RCAN2: variants seen among roughly 807,000 people sequenced by gnomAD.
The protein encoded by RCAN2 is regulator of calcineurin 2, also known as calcipressin-2.
RCAN2 carries 9 observed loss-of-function variants against 23.6 expected under a neutral mutation model. That is an observed-to-expected ratio of 0.38 (90% CI 0.23 to 0.67). RCAN2 has a LOEUF of 0.67. RCAN2 is among the 30% of genes least tolerant of loss of function. RCAN2 has a pLI of 0.51. For missense variants in RCAN2, 273 were observed against 302.3 expected (o/e 0.90, Z 0.72); for synonymous variants, 109 against 115.7 (o/e 0.94, Z 0.37).
intron 1 of RCAN2, among the ~76,000 whole-genome samples, chr6:46,461,074 A>T (rs1768190241): frequency 6.6e-6 from 1 of 152,198 alleles, no homozygotes. Flanking sequence ...AAACTGGAAA[A>T]TTCAAAAAGC....
chr6:46,249,482 C>T (rs1020572638), intron 2 of RCAN2, among the ~76,000 whole-genome samples: 1 of 151,352 alleles, frequency 6.6e-6, no homozygotes. Context: ...CCACACCCAG[C>T]TAATTTTTGT....
At chr6:46,405,148 G>C (rs921776960) in intron 2 of RCAN2, among the ~76,000 whole-genome samples, 3 of 152,128 alleles carry the variant, frequency 2.0e-5, no homozygotes, top group African/African-American at 7.2e-5. Flanking sequence ...TCTGGAGTCT[G>C]TCCCTTCTGA....
At chr6:46,410,335 A>T (rs917791627) in intron 2 of RCAN2, among the ~76,000 whole-genome samples, 3 of 152,172 alleles carry the variant, frequency 2.0e-5, no homozygotes, top group African/African-American at 7.2e-5. Flanking sequence ...TCATCCATCT[A>T]TCTACCTACC....
At chr6:46,228,484 A>T (rs1179035860) in intron 4 of RCAN2, among the ~76,000 whole-genome samples, 13 of 152,116 alleles carry the variant, frequency 8.5e-5, no homozygotes, top group Admixed American at 2.6e-4. Flanking sequence ...TATATTTAGG[A>T]TAGTTAGCTC....
chr6:46,409,623 T>G (rs78670347), intron 2 of RCAN2, among the ~76,000 whole-genome samples: 2,417 of 152,328 alleles, frequency 0.016, 64 homozygotes, highest in African/African-American at 0.055. Context: ...ACTCATTCAT[T>G]AGTTCATTAT....
Position 46,390,677 on chromosome 6 carries a change from C to G in RCAN2, c.225+66075G>C, listed in dbSNP as rs545686307. 5.9e-5 allele frequency among the ~76,000 whole-genome samples: 9 copies of G among 152,258 alleles called. No individual in the cohort carries two copies. The East Asian group carries it at 1.7e-3, about 29-fold the overall frequency. On this transcript the variant is annotated intron_variant, in intron 2 of 4. Transcript: ENST00000371374. ...ACATTAACTTCATTCTGTAGGATTA[C>G]TAGACTGTAAAGGAATGTCATAAGT...
At chr6:46,260,393 C>T (rs191975745) in intron 2 of RCAN2, among the ~76,000 whole-genome samples, 12 of 152,238 alleles carry the variant, frequency 7.9e-5, no homozygotes, top group African/African-American at 1.7e-4. Flanking sequence ...TTTAAGTCAA[C>T]GCACCCTATT....
chr6:46,436,101 A>G (rs1767354945), intron 2 of RCAN2, among the ~76,000 whole-genome samples: 1 of 152,200 alleles, frequency 6.6e-6, no homozygotes, highest in South Asian at 2.1e-4. Flanking sequence ...CTGCTCCCCC[A>G]TCTGGATTTA....
chr6:46,348,464 C>T (rs1485452709), intron 2 of RCAN2, among the ~76,000 whole-genome samples: 1 of 152,144 alleles, frequency 6.6e-6, no homozygotes, highest in Non-Finnish European at 1.5e-5. Flanking sequence ...TTCTGTACCT[C>T]ACTGCTGACT....
chr6:46,283,235 GC>G (rs1582062991), intron 2 of RCAN2, among the ~76,000 whole-genome samples: 1 of 152,214 alleles, frequency 6.6e-6, no homozygotes, highest in East Asian at 1.9e-4. Context: ...GATCATTTGA[GC>G]CCAGGAGTTC....
At chr6:46,232,790 C>CA (rs35457944) in intron 4 of RCAN2, among the ~76,000 whole-genome samples, 56,462 of 89,194 alleles carry the variant, frequency 0.63, 18,062 homozygotes, top group Non-Finnish European at 0.67. Flanking sequence ...AAGACTGTCT[C>CA]AAAAAAAAAA....
At chr6:46,400,430 C>A (rs1261458203) in intron 2 of RCAN2, among the ~76,000 whole-genome samples, 1 of 152,180 alleles carries the variant, frequency 6.6e-6, no homozygotes, top group African/African-American at 2.4e-5. Context: ...AGTTCCCTGG[C>A]TGCTGATGCT....
At chr6:46,308,204 C>G (rs74680413) in intron 2 of RCAN2, among the ~76,000 whole-genome samples, 1,614 of 152,214 alleles carry the variant, frequency 0.011, 23 homozygotes, top group African/African-American at 0.037. Context: ...ATGATCCTAA[C>G]AGTTCTTATT....
intron 2 of RCAN2, among the ~76,000 whole-genome samples, chr6:46,305,918 C>CTT (rs756724125): frequency 9.8e-5 from 14 of 142,936 alleles, no homozygotes; most frequent in African/African-American, 1.8e-4. Flanking sequence ...TGCTGAAGAC[C>CTT]TTTTTTTTTT....
chr6:46,446,482 C>G (rs1022365011), intron 2 of RCAN2, among the ~76,000 whole-genome samples: 1 of 152,010 alleles, frequency 6.6e-6, no homozygotes, highest in Non-Finnish European at 1.5e-5. Flanking sequence ...AAGGAGGATG[C>G]TAATTAGTAA....
chr6:46,476,826 A>G (rs1582233948), intron 1 of RCAN2, among the ~76,000 whole-genome samples: 1 of 152,270 alleles, frequency 6.6e-6, no homozygotes, highest in East Asian at 1.9e-4. Context: ...CCCCTAGATA[A>G]CTGCAAGATG....
intron 2 of RCAN2, among the ~76,000 whole-genome samples, chr6:46,352,498 C>T (rs142474073): frequency 8.5e-4 from 129 of 152,274 alleles, no homozygotes; most frequent in African/African-American, 2.9e-3. Context: ...TCGGCCTCTC[C>T]CCTTGGCTGA....
At chr6:46,278,211 C>A (rs1445532215) in intron 2 of RCAN2, among the ~76,000 whole-genome samples, 2 of 152,038 alleles carry the variant, frequency 1.3e-5, no homozygotes, top group African/African-American at 4.8e-5. Flanking sequence ...TCTTTTATTA[C>A]CATTTAAAGT....
At chr6:46,461,068 T>C (rs1768189886) in intron 1 of RCAN2, among the ~76,000 whole-genome samples, 1 of 152,136 alleles carries the variant, frequency 6.6e-6, no homozygotes, top group Admixed American at 6.6e-5. Flanking sequence ...GAAGAAAAAC[T>C]GGAAAATTCA....
Sources: gnomAD v4.1 joint callset for allele counts (sites outside exome capture counted in the v4.1 genomes callset) on GRCh38, gnomAD v4.1.1 for gene constraint, MANE v1.5 for transcripts, NCBI Gene and HGNC (gene_info 2026-07-23, HGNC 2026-07-21) for gene names.